The following ZNF407 variants were observed in gnomAD, a reference collection of about 807,000 sequenced individuals.
ZNF407 encodes the protein zinc finger protein 407.
A neutral mutation model predicts 131.2 loss-of-function variants in ZNF407; 17 were observed. The observed-to-expected ratio is 0.13, with a 90% CI of 0.09 to 0.19. ZNF407 has a LOEUF of 0.19. Ranked by LOEUF, ZNF407 falls within the 10% of genes least tolerant of loss-of-function variation. The probability of loss-of-function intolerance (pLI) is 1.00; values close to 1 mark genes in which losing one functional copy is unlikely to be tolerated. For synonymous variants in ZNF407, 1,156 were observed against 1,062.0 expected (o/e 1.09, Z -1.72); for missense variants, 2,681 against 2,830.6 (o/e 0.95, Z 1.20).
chr18:75,064,272 G>A lies in ZNF407; in HGVS notation c.6551G>A (p.Gly2184Asp). 2 of 1,604,958 alleles carry A rather than the reference G, an allele frequency of 1.2e-6. No homozygotes were observed. Among genetic ancestry groups the A allele is most frequent in the Non-Finnish European group, 8.5e-7 (1 of 1,176,776 alleles). Residue 2184 changes from glycine (G) to aspartate (D), a missense_variant, in exon 9 of 9, where the codon GGC (glycine) becomes GAC (aspartate). By Grantham distance (94) the Gly-to-Asp change is moderately conservative. Transcript: ENST00000299687. ...CCCCCAGGGGTGCAGGACGAGCCGG[G>A]CCTGTACTCCCACACCGTGCTGGAG... ...ELPPGVQDEP[G>D]LYSHTVLETA... is the part of the protein sequence containing the mutation.
intron 4 of ZNF407, among the ~76,000 whole-genome samples, chr18:74,803,073 C>G (rs1157055123): frequency 6.6e-6 from 1 of 151,954 alleles, no homozygotes; most frequent in East Asian, 1.9e-4. Flanking sequence ...TCTGACTGTT[C>G]CAGGGTGGTA....
intron 4 of ZNF407, among the ~76,000 whole-genome samples, chr18:74,833,287 A>G (rs555498119): frequency 6.6e-6 from 1 of 152,344 alleles, no homozygotes; most frequent in South Asian, 2.1e-4. Context: ...AATGAGAAAG[A>G]CCAGATTCCT....
At chr18:74,835,347 T>C (rs1186540161) in intron 4 of ZNF407, among the ~76,000 whole-genome samples, 1 of 152,214 alleles carries the variant, frequency 6.6e-6, no homozygotes, top group Non-Finnish European at 1.5e-5. Context: ...TGAGCGTTGC[T>C]TGAGCCACTT....
At chr18:74,620,660 G>T (rs1983474990) in intron 1 of ZNF407, among the ~76,000 whole-genome samples, 1 of 152,212 alleles carries the variant, frequency 6.6e-6, no homozygotes, top group Non-Finnish European at 1.5e-5. Context: ...TACCTTTGCA[G>T]TCTGCCTGGA....
chr18:74,740,483 A>G (rs1004762318), intron 3 of ZNF407, among the ~76,000 whole-genome samples: 7 of 152,174 alleles, frequency 4.6e-5, no homozygotes, highest in African/African-American at 1.4e-4. Context: ...ATGTGTACAC[A>G]TGTTACATCT....
intron 3 of ZNF407, among the ~76,000 whole-genome samples, chr18:74,757,671 G>T (rs1968994494): frequency 6.6e-6 from 1 of 151,956 alleles, no homozygotes; most frequent in Non-Finnish European, 1.5e-5. Flanking sequence ...GATGTACCTT[G>T]TTGTTCAAAT....
intron 8 of ZNF407, among the ~76,000 whole-genome samples, chr18:74,993,357 T>G (rs1307779222): frequency 2.0e-5 from 3 of 152,150 alleles, no homozygotes; most frequent in Middle Eastern, 6.3e-3. Context: ...TGGATGAGTC[T>G]CAAAAGTGTG....
In ZNF407 at chr18:75,064,072, CG is replaced by C; in HGVS notation, c.6355del (p.Glu2119ArgfsTer29). Reference protein sequence around the residue: ...SEEGAVHMVAGEGAQIIMQEA... With the variant: ...SEEGAVHMVAXEGAQIIMQEA... ...AAGAGGGTGCCGTCCACATGGTCGC[CG>C]GGGAGGGTGCCCAGATCATCATGCA... On this transcript the variant is annotated frameshift_variant, in exon 9 of 9. Transcript: ENST00000299687. LOFTEE classifies it low-confidence loss of function (END_TRUNC). The C allele has an allele frequency of 6.3e-7, 1 of 1,588,944 alleles. No individual in the cohort carries two copies.
chr18:74,781,318 C>T lies in ZNF407; in HGVS notation c.4803-110C>T, dbSNP rs180708809. The T allele has an allele frequency of 1.3e-4, 98 of 762,878 alleles. 1 individual carries two copies. Among genetic ancestry groups the T allele is most frequent in the Middle Eastern group, 3.9e-4 (1 of 2,582 alleles). 47.3% of individuals were successfully genotyped at this position (762,878 alleles called of 1,614,324 possible). On this transcript the variant is annotated intron_variant, in intron 3 of 8. Transcript: ENST00000299687. ...GTGTAGCAAGAGTGCCACTGTAATA[C>T]GCTTTTTATGTTATGTTTGCATATA... is the stretch of plus-strand genomic sequence containing the variant.
intron 8 of ZNF407, among the ~76,000 whole-genome samples, chr18:75,028,620 T>C (rs949047660): frequency 1.1e-4 from 16 of 152,162 alleles, no homozygotes; most frequent in African/African-American, 3.6e-4. Flanking sequence ...TCAGACCAAC[T>C]TTTAGAAACA....
intron 8 of ZNF407, among the ~76,000 whole-genome samples, chr18:75,041,425 T>C (rs889718191): frequency 6.6e-6 from 1 of 152,136 alleles, no homozygotes; most frequent in Non-Finnish European, 1.5e-5. Context: ...ACTTTCCGTC[T>C]CTTCTTACCT....
At chr18:74,684,389 T>A (rs1967051119) in intron 3 of ZNF407, among the ~76,000 whole-genome samples, 1 of 152,224 alleles carries the variant, frequency 6.6e-6, no homozygotes, top group African/African-American at 2.4e-5. Context: ...AACATCTTTC[T>A]ATGAATCCTA....
intron 4 of ZNF407, among the ~76,000 whole-genome samples, chr18:74,818,627 G>A (rs1178743836): frequency 6.6e-6 from 1 of 152,106 alleles, no homozygotes; most frequent in Non-Finnish European, 1.5e-5. Flanking sequence ...TTCAGCAGCT[G>A]CATTCTTACA....
At chr18:74,804,335 T>TATTTAAAGCTGACTGTCC in intron 4 of ZNF407, 2 of 1,083,650 alleles carry the variant, frequency 1.8e-6, no homozygotes, top group Non-Finnish European at 2.2e-6. Flanking sequence ...ATTCAGGGTT[T>TATTTAAAGCTGACTGTCC]ATTTAAAGCT....
intron 8 of ZNF407, among the ~76,000 whole-genome samples, chr18:74,974,837 A>C (rs1237189557): frequency 1.3e-5 from 2 of 152,218 alleles, no homozygotes; most frequent in Non-Finnish European, 2.9e-5. Flanking sequence ...TATACAGTAC[A>C]TATAGTGACA....
At chr18:74,920,122 C>G (rs1420616625) in intron 7 of ZNF407, among the ~76,000 whole-genome samples, 1 of 152,158 alleles carries the variant, frequency 6.6e-6, no homozygotes, top group Non-Finnish European at 1.5e-5. Flanking sequence ...GTCTTTGTTC[C>G]CCAGATGCTC....
intron 4 of ZNF407, among the ~76,000 whole-genome samples, chr18:74,835,828 T>A (rs1450343729): frequency 6.6e-6 from 1 of 150,910 alleles, no homozygotes; most frequent in Admixed American, 6.6e-5. Context: ...TGAGGGAGAG[T>A]CTGCCTTCAG....
At chr18:74,642,857 A>G (rs1984787917) in intron 3 of ZNF407, among the ~76,000 whole-genome samples, 1 of 152,106 alleles carries the variant, frequency 6.6e-6, no homozygotes, top group Non-Finnish European at 1.5e-5. Context: ...TATTTTTTAG[A>G]ATTATGACAG....
At chr18:74,858,960 G>A (rs989055603) in intron 4 of ZNF407, among the ~76,000 whole-genome samples, 2 of 151,344 alleles carry the variant, frequency 1.3e-5, no homozygotes, top group African/African-American at 4.9e-5. Flanking sequence ...AACAAGATAC[G>A]TTATTAATGG....
Sources: gnomAD v4.1 joint callset for allele counts (sites outside exome capture counted in the v4.1 genomes callset) on GRCh38, gnomAD v4.1.1 for gene constraint, MANE v1.5 for transcripts, NCBI Gene and HGNC (gene_info 2026-07-23, HGNC 2026-07-21) for gene names.